PACRG: variants seen among roughly 807,000 people sequenced by gnomAD.
PACRG encodes the protein parkin coregulated, also known as parkin coregulated gene protein.
A neutral mutation model predicts 29.7 loss-of-function variants in PACRG; 29 were observed. The observed-to-expected ratio is 0.98, with a 90% confidence interval of 0.73 to 1.33. PACRG has a LOEUF of 1.33. Ranked by LOEUF, PACRG falls within the 40% of genes most tolerant of loss-of-function variation. PACRG has a pLI of 0.00. For synonymous variants in PACRG, 116 were observed against 118.7 expected (o/e 0.98, Z 0.15); for missense variants, 279 against 316.2 (o/e 0.88, Z 0.89).
At position 162,731,031 on chromosome 6, in the gene PACRG, G is replaced by A. The variant is rs868377025; in HGVS notation, c.156+2640G>A. On this transcript the variant is annotated intron_variant, in intron 1 of 4. Coordinates refer to ENST00000366888, the MANE Select transcript of PACRG (RefSeq NM_001080379.2). ...ATCGACCCAGGGTTATGGTGACAGA[G>A]AAGTTGAGTTCAGCCTAAGCTTTCT... 3.9e-5 allele frequency among the ~76,000 whole-genome samples: 6 copies of A among 152,266 alleles called. No individual in the cohort carries two copies. The Middle Eastern group carries it at 0.01, about 259-fold the overall frequency.
chr6:163,290,260 G>A (rs566850339), intron 4 of PACRG, among the ~76,000 whole-genome samples: 6 of 143,556 alleles, frequency 4.2e-5, no homozygotes, highest in African/African-American at 1.1e-4. Flanking sequence ...GCACATGTGC[G>A]CATGCACGCG....
chr6:162,858,645 A>T (rs1387625847), intron 2 of PACRG, among the ~76,000 whole-genome samples: 2 of 152,290 alleles, frequency 1.3e-5, no homozygotes, highest in East Asian at 3.9e-4. Context: ...AGAAACAGAG[A>T]TGTGTGTACT....
intron 4 of PACRG, among the ~76,000 whole-genome samples, chr6:163,187,012 C>T (rs1432666058): frequency 6.6e-6 from 1 of 152,260 alleles, no homozygotes; most frequent in African/African-American, 2.4e-5. Context: ...CAGGCACCTG[C>T]TCTGCAGGGA....
At chr6:163,207,713 A>G (rs1460885999) in intron 4 of PACRG, among the ~76,000 whole-genome samples, 1 of 152,216 alleles carries the variant, frequency 6.6e-6, no homozygotes, top group Non-Finnish European at 1.5e-5. Context: ...CCATTTTAAT[A>G]TTAGATTAAA....
chr6:163,049,657 A>G (rs1809784020), intron 2 of PACRG, among the ~76,000 whole-genome samples: 1 of 152,102 alleles, frequency 6.6e-6, no homozygotes, highest in Non-Finnish European at 1.5e-5. Flanking sequence ...CAATTCTCAG[A>G]AAAGGATATA....
chr6:163,259,825 A>G (rs1783253639), intron 4 of PACRG, among the ~76,000 whole-genome samples: 1 of 151,960 alleles, frequency 6.6e-6, no homozygotes, highest in South Asian at 2.1e-4. Context: ...GATCGCTAGG[A>G]CTATAGGAGA....
At chr6:163,015,435 T>G (rs1480197067) in intron 2 of PACRG, among the ~76,000 whole-genome samples, 1 of 152,212 alleles carries the variant, frequency 6.6e-6, no homozygotes, top group Non-Finnish European at 1.5e-5. Context: ...GGGGATTGCT[T>G]TAGACAGTAT....
chr6:162,815,239 C>A (rs1183954322), intron 2 of PACRG, among the ~76,000 whole-genome samples: 1 of 151,660 alleles, frequency 6.6e-6, no homozygotes, highest in Non-Finnish European at 1.5e-5. Flanking sequence ...GTCCAGCAGT[C>A]GTGACCAAAA....
intron 4 of PACRG, among the ~76,000 whole-genome samples, chr6:163,241,509 C>T (rs902465315): frequency 1.3e-5 from 2 of 152,188 alleles, no homozygotes; most frequent in Non-Finnish European, 2.9e-5. Context: ...TCATACCCTG[C>T]ACTGTTTTTA....
intron 2 of PACRG, among the ~76,000 whole-genome samples, chr6:163,012,330 C>G (rs1024988398): frequency 6.6e-6 from 1 of 152,172 alleles, no homozygotes; most frequent in Admixed American, 6.5e-5. Context: ...AAGACAAAGT[C>G]TTGCTTTTCA....
chr6:162,915,946 G>A (rs1554303289), intron 2 of PACRG, among the ~76,000 whole-genome samples: 1 of 152,088 alleles, frequency 6.6e-6, no homozygotes, highest in Non-Finnish European at 1.5e-5. Context: ...TAAGAGGAAA[G>A]CACAGTTTTT....
intron 2 of PACRG, among the ~76,000 whole-genome samples, chr6:162,920,784 A>G (rs2128093082): frequency 6.6e-6 from 1 of 152,280 alleles, no homozygotes; most frequent in East Asian, 1.9e-4. Flanking sequence ...TTGGCTATCA[A>G]AATTGTGTTT....
chr6:163,194,300 T>C (rs1253470290), intron 4 of PACRG, among the ~76,000 whole-genome samples: 1 of 152,192 alleles, frequency 6.6e-6, no homozygotes, highest in African/African-American at 2.4e-5. Flanking sequence ...CTTTTGAAGT[T>C]CCAGAACTTA....
intron 4 of PACRG, chr6:163,166,345 G>T (rs544777991): frequency 2.6e-6 from 1 of 390,184 alleles, no homozygotes; most frequent in Non-Finnish European, 5.2e-6. Context: ...TTTGTTAATT[G>T]GTATATTGAT....
intron 2 of PACRG, among the ~76,000 whole-genome samples, chr6:163,061,079 G>A (rs568271245): frequency 6.6e-6 from 1 of 152,216 alleles, no homozygotes; most frequent in African/African-American, 2.4e-5. Context: ...CAAAGGTCTT[G>A]ATGGGCTCCT....
chr6:163,209,721 A>G (rs1781058236), intron 4 of PACRG, among the ~76,000 whole-genome samples: 1 of 152,228 alleles, frequency 6.6e-6, no homozygotes. Context: ...TCCAAGCCAT[A>G]ATTTGATGTA....
At chr6:163,270,006 A>AGAAAG (rs1174263456) in intron 4 of PACRG, among the ~76,000 whole-genome samples, 1 of 84,182 alleles carries the variant, frequency 1.2e-5, no homozygotes, top group Non-Finnish European at 2.4e-5. Flanking sequence ...AAAGAAAGAA[A>AGAAAG]GGAGGGAGGG....
intron 4 of PACRG, chr6:163,310,392 A>G (rs1340452098): frequency 1.3e-5 from 2 of 152,252 alleles, no homozygotes; most frequent in Admixed American, 6.5e-5. Flanking sequence ...ATGCTACAGG[A>G]AGCGTGGCTA....
At chr6:162,797,398 G>A (rs908866382) in intron 1 of PACRG, among the ~76,000 whole-genome samples, 1 of 152,182 alleles carries the variant, frequency 6.6e-6, no homozygotes, top group Non-Finnish European at 1.5e-5. Flanking sequence ...TCTTGCAGGT[G>A]CTTATCTATT....
Sources: allele counts gnomAD v4.1 joint callset (sites outside exome capture counted in the v4.1 genomes callset), GRCh38; gene constraint gnomAD v4.1.1; transcripts MANE v1.5; gene names NCBI Gene and HGNC (gene_info 2026-07-23, HGNC 2026-07-21).